RPS6KA2: variants seen among roughly 807,000 people sequenced by gnomAD.
The protein encoded by RPS6KA2 is ribosomal protein S6 kinase A2.
RPS6KA2 carries 42 observed loss-of-function variants against 91.8 expected under a neutral mutation model. The ratio of observed to expected loss-of-function variants is 0.46; its 90% CI spans 0.36 to 0.59. RPS6KA2 has a LOEUF of 0.59. Among genes scored for constraint, RPS6KA2 ranks in the 20% least tolerant of loss-of-function variants. The probability of loss-of-function intolerance (pLI) is 0.00; values close to 1 mark genes in which losing one functional copy is unlikely to be tolerated. For missense variants in RPS6KA2, 798 were observed against 978.5 expected (o/e 0.82, Z 2.46); for synonymous variants, 414 against 393.6 (o/e 1.05, Z -0.61).
chr6:166,781,830 G>A lies in RPS6KA2; in HGVS notation c.123+76370C>T, dbSNP rs545423421. ...AAGGCAAAGCTTCTCCCTCAGAGCC[G>A]ACTATGGGCAGAGTGTCCCAACCAC... On this transcript the variant is annotated intron_variant, in intron 2 of 21. Transcript: ENST00000503859. Among the ~76,000 whole-genome samples the A allele has an allele frequency of 1.3e-4, 20 of 152,330 alleles. No homozygotes were observed. In the East Asian group the frequency reaches 3.9e-3, roughly 29 times the overall value.
intron 12 of RPS6KA2, among the ~76,000 whole-genome samples, chr6:166,453,207 A>T (rs1019105022): frequency 7.0e-6 from 1 of 143,344 alleles, no homozygotes; most frequent in African/African-American, 2.6e-5. Context: ...TCACACACAC[A>T]CACACACACA....
At chr6:166,740,892 G>A (rs1046777951) in intron 2 of RPS6KA2, among the ~76,000 whole-genome samples, 1 of 152,270 alleles carries the variant, frequency 6.6e-6, no homozygotes, top group Non-Finnish European at 1.5e-5. Context: ...CGTTTGAAAT[G>A]TCTGAAAGCA....
intron 2 of RPS6KA2, among the ~76,000 whole-genome samples, chr6:166,693,004 G>A (rs1390431500): frequency 6.6e-6 from 1 of 152,208 alleles, no homozygotes; most frequent in Non-Finnish European, 1.5e-5. Context: ...CGAAACTCAG[G>A]AGAGGGCAAG....
At chr6:166,444,259 C>A (rs1440594181) in intron 14 of RPS6KA2, among the ~76,000 whole-genome samples, 2 of 152,188 alleles carry the variant, frequency 1.3e-5, no homozygotes, top group East Asian at 3.8e-4. Flanking sequence ...ACCTCCAACA[C>A]TTAATAGTCA....
chr6:166,777,350 T>C (rs1250566308), intron 2 of RPS6KA2, among the ~76,000 whole-genome samples: 1 of 152,128 alleles, frequency 6.6e-6, no homozygotes, highest in African/African-American at 2.4e-5. Flanking sequence ...TGACAGCTGG[T>C]CTGGTGCCAG....
At chr6:166,724,534 G>A (rs1177539740) in intron 2 of RPS6KA2, among the ~76,000 whole-genome samples, 1 of 152,016 alleles carries the variant, frequency 6.6e-6, no homozygotes, top group East Asian at 1.9e-4. Flanking sequence ...ATCCAAGTGG[G>A]TCATTTTTGC....
chr6:166,707,624 G>A (rs1310717596), intron 2 of RPS6KA2, among the ~76,000 whole-genome samples: 3 of 152,152 alleles, frequency 2.0e-5, no homozygotes, highest in South Asian at 2.1e-4. Flanking sequence ...CCAGACAGGT[G>A]CACCTGGATC....
At position 166,612,829 on chromosome 6, in the gene RPS6KA2, CTCCT is replaced by C. The variant is rs949596222; in HGVS notation, c.99+14088_99+14091del. Among the ~76,000 whole-genome samples, 3 of 151,606 alleles carry C rather than the reference CTCCT, an allele frequency of 2.0e-5. No homozygotes were observed. Among genetic ancestry groups the C allele is most frequent in the African/African-American group, 7.3e-5 (3 of 41,204 alleles). ...TCTCTCTCCATGCCCTTGACCTGTC[CTCCT>C]CCCTCTGGCCCTGCGCACTACGTCC... On this transcript the variant is annotated intron_variant, in intron 1 of 20. Coordinates refer to ENST00000265678, the MANE Select transcript of RPS6KA2 (RefSeq NM_021135.6). The surrounding 1 kb of genome is among the most constrained non-coding windows in gnomAD (Gnocchi z 4.3).
At chr6:166,638,823 G>A (rs969876985) in intron 2 of RPS6KA2, among the ~76,000 whole-genome samples, 1 of 152,140 alleles carries the variant, frequency 6.6e-6, no homozygotes. Context: ...ACAGTGTACA[G>A]GACAGGCTCA....
intron 2 of RPS6KA2, among the ~76,000 whole-genome samples, chr6:166,748,184 G>A (rs978484340): frequency 4.6e-5 from 7 of 152,188 alleles, no homozygotes; most frequent in South Asian, 4.1e-4. Flanking sequence ...AGCAGCAACC[G>A]TAGAGGAAGC....
At chr6:166,457,883 T>C (rs1780154629) in intron 12 of RPS6KA2, among the ~76,000 whole-genome samples, 1 of 152,252 alleles carries the variant, frequency 6.6e-6, no homozygotes, top group South Asian at 2.1e-4. Context: ...GTTTCCCGAT[T>C]ATCTTTTAAA....
rs1779216598 is a variant in RPS6KA2 at position 166,796,158 on chromosome 6, G to A, written c.123+62042C>T. Among the ~76,000 whole-genome samples the A allele has an allele frequency of 2.6e-5, 4 of 152,290 alleles. No individual in the cohort carries two copies. The South Asian group carries it at 8.3e-4, about 32-fold the overall frequency. On this transcript the variant is annotated intron_variant, in intron 2 of 21. Transcript: ENST00000503859. ...CCTCGGGGAGACTTCTATTCCTAGC[G>A]GGGAGACTAAAAGTAAGCCTACGAT...
chr6:166,857,271 T>G (rs1391551482), intron 2 of RPS6KA2, among the ~76,000 whole-genome samples: 1 of 152,188 alleles, frequency 6.6e-6, no homozygotes, highest in African/African-American at 2.4e-5. Flanking sequence ...GAGTTGCAAA[T>G]TTTCTAACTG....
intron 1 of RPS6KA2, among the ~76,000 whole-genome samples, chr6:166,539,517 G>C (rs948294465): frequency 1.3e-5 from 2 of 152,258 alleles, no homozygotes; most frequent in African/African-American, 4.8e-5. Flanking sequence ...TCTGATTCAC[G>C]CTATCCCTGG....
intron 2 of RPS6KA2, among the ~76,000 whole-genome samples, chr6:166,783,738 G>A (rs1253509917): frequency 7.0e-6 from 1 of 143,344 alleles, no homozygotes. Flanking sequence ...ATACACGCGT[G>A]GACACCTATC....
At chr6:166,424,688 G>T (rs895987961) in intron 16 of RPS6KA2, among the ~76,000 whole-genome samples, 3 of 152,236 alleles carry the variant, frequency 2.0e-5, no homozygotes, top group Non-Finnish European at 4.4e-5. Context: ...TAGGGAGTCA[G>T]TGAATGAAGA....
intron 2 of RPS6KA2, among the ~76,000 whole-genome samples, chr6:166,663,632 A>G (rs2128558486): frequency 6.6e-6 from 1 of 152,300 alleles, no homozygotes; most frequent in Admixed American, 6.5e-5. Context: ...TATTCCTACC[A>G]TCCCTCTAAG....
At chr6:166,527,394 G>A (rs1460870893) in intron 3 of RPS6KA2, among the ~76,000 whole-genome samples, 1 of 152,180 alleles carries the variant, frequency 6.6e-6, no homozygotes, top group Non-Finnish European at 1.5e-5. Context: ...TGTGGCCAAG[G>A]ACAGGCTGGA....
intron 2 of RPS6KA2, among the ~76,000 whole-genome samples, chr6:166,634,975 G>GA (rs971056618): frequency 2.0e-5 from 3 of 151,938 alleles, no homozygotes; most frequent in Admixed American, 2.0e-4. Flanking sequence ...AAATCCACAG[G>GA]AAAAAAACTA....
Sources: gnomAD v4.1 joint callset for allele counts (sites outside exome capture counted in the v4.1 genomes callset) on GRCh38, gnomAD v4.1.1 for gene constraint, Gnocchi (gnomAD v3.1) non-coding constraint, MANE v1.5 for transcripts, NCBI Gene and HGNC (gene_info 2026-07-23, HGNC 2026-07-21) for gene names.